The following ARID4B variants were observed in gnomAD, a reference collection of about 807,000 sequenced individuals.
ARID4B encodes the protein AT-rich interactive domain-containing protein 4B.
A neutral mutation model predicts 147.5 loss-of-function variants in ARID4B; 26 were observed. The observed-to-expected ratio is 0.18, with a 90% CI of 0.13 to 0.24. The LOEUF (loss-of-function observed/expected upper bound fraction) is 0.24. ARID4B is among the 10% of genes least tolerant of loss of function. ARID4B has a pLI of 1.00. For missense variants in ARID4B, 1,179 were observed against 1,511.5 expected (o/e 0.78, Z 3.65); for synonymous variants, 512 against 507.9 (o/e 1.01, Z -0.11).
intron 2 of ARID4B, among the ~76,000 whole-genome samples, chr1:235,325,234 G>A (rs1464671274): frequency 1.3e-5 from 2 of 151,890 alleles, no homozygotes; most frequent in East Asian, 1.9e-4. Flanking sequence ...AAATGCAGTA[G>A]AATGTAATGC....
At chr1:235,204,110 T>C (rs1280330681) in intron 17 of ARID4B, among the ~76,000 whole-genome samples, 3 of 152,080 alleles carry the variant, frequency 2.0e-5, no homozygotes, top group Non-Finnish European at 4.4e-5. Context: ...GATCATGACG[T>C]CAGGATTTCA....
At chr1:235,291,187 G>A (rs1672311398) in intron 2 of ARID4B, among the ~76,000 whole-genome samples, 1 of 151,426 alleles carries the variant, frequency 6.6e-6, no homozygotes, top group Non-Finnish European at 1.5e-5. Context: ...ACCAGGTCAG[G>A]AGATCAAGAC....
chr1:235,187,587 C>T (rs1030112208), intron 19 of ARID4B, among the ~76,000 whole-genome samples: 2 of 152,154 alleles, frequency 1.3e-5, no homozygotes. Context: ...TCAATTTCTC[C>T]ACAGAACTCC....
intron 12 of ARID4B, among the ~76,000 whole-genome samples, chr1:235,223,478 A>G (rs1250266199): frequency 6.8e-6 from 1 of 148,022 alleles, no homozygotes; most frequent in Non-Finnish European, 1.5e-5. Context: ...CTACACATAA[A>G]TAAGCCCATG....
intron 2 of ARID4B, 117 bp from the exon 3 acceptor site, chr1:235,260,869 T>A: frequency 1.5e-6 from 1 of 670,346 alleles, no homozygotes; most frequent in East Asian, 3.0e-5. Context: ...ATGAAATGTA[T>A]GTTAACAAGA....
chr1:235,230,615 AACCAG>A (rs766130635), intron 10 of ARID4B, among the ~76,000 whole-genome samples: 1 of 81,500 alleles, frequency 1.2e-5, no homozygotes, highest in Non-Finnish European at 3.0e-5. Context: ...AAAAAAAAAA[AACCAG>A]AAAAAAAAAG....
intron 2 of ARID4B, among the ~76,000 whole-genome samples, chr1:235,316,055 G>A (rs1296068417): frequency 1.3e-5 from 2 of 151,876 alleles, no homozygotes; most frequent in Non-Finnish European, 2.9e-5. Flanking sequence ...ATCCCAATTT[G>A]CTACAGACTA....
intron 7 of ARID4B, among the ~76,000 whole-genome samples, chr1:235,241,800 G>A (rs1669000283): frequency 6.7e-6 from 1 of 150,312 alleles, no homozygotes; most frequent in Non-Finnish European, 1.5e-5. Flanking sequence ...ATAGGCGTGA[G>A]CCACCCCACC....
At chr1:235,185,701 G>C (rs1426051390) in intron 19 of ARID4B, among the ~76,000 whole-genome samples, 1 of 152,180 alleles carries the variant, frequency 6.6e-6, no homozygotes, top group Non-Finnish European at 1.5e-5. Flanking sequence ...TTCATTGATT[G>C]AGAGTTTCAC....
intron 2 of ARID4B, among the ~76,000 whole-genome samples, chr1:235,297,118 T>C (rs774320248): frequency 8.5e-5 from 13 of 152,126 alleles, no homozygotes; most frequent in Non-Finnish European, 1.8e-4. Context: ...ATATCCCTTG[T>C]GCCAGAAAGA....
At chr1:235,176,127 G>C (rs1387046055) in intron 21 of ARID4B, among the ~76,000 whole-genome samples, 3 of 152,102 alleles carry the variant, frequency 2.0e-5, no homozygotes, top group Non-Finnish European at 4.4e-5. Context: ...CAAAGTATTA[G>C]TTTAGATTCC....
At chr1:235,183,975 C>T (rs1376794449) in intron 19 of ARID4B, among the ~76,000 whole-genome samples, 2 of 152,002 alleles carry the variant, frequency 1.3e-5, no homozygotes, top group Non-Finnish European at 2.9e-5. Flanking sequence ...GACAGGGTCT[C>T]GTCATGTTGC....
At chr1:235,186,227 A>G (rs550731457) in intron 19 of ARID4B, among the ~76,000 whole-genome samples, 3 of 152,150 alleles carry the variant, frequency 2.0e-5, no homozygotes, top group African/African-American at 7.2e-5. Context: ...TCAGCCTCCC[A>G]AAGTGCAGGG....
At chr1:235,245,471 T>A (rs1162258819) in intron 7 of ARID4B, among the ~76,000 whole-genome samples, 1 of 152,148 alleles carries the variant, frequency 6.6e-6, no homozygotes, top group Non-Finnish European at 1.5e-5. Context: ...TAAAAATATG[T>A]CTAAATACTA....
intron 6 of ARID4B, among the ~76,000 whole-genome samples, chr1:235,249,183 A>T (rs936451389): frequency 1.3e-5 from 2 of 151,968 alleles, no homozygotes; most frequent in African/African-American, 4.8e-5. Context: ...AAATACAAAA[A>T]TTAGTCAGGC....
At chr1:235,327,722 A>G (rs912228362) in intron 1 of ARID4B, 47 bp downstream of exon 1, 1 of 152,390 alleles carries the variant, frequency 6.6e-6, no homozygotes, top group African/African-American at 2.4e-5. Flanking sequence ...GCGACTCCCA[A>G]AAGAACCCCC....
At chr1:235,181,194 A>G (rs1664284699) in intron 20 of ARID4B, 1 of 1,007,512 alleles carries the variant, frequency 9.9e-7, no homozygotes, top group African/African-American at 1.7e-5. Flanking sequence ...TCTGTCAATA[A>G]ATCAAAATGT....
At chr1:235,285,508 T>A (rs1671915036) in intron 2 of ARID4B, among the ~76,000 whole-genome samples, 1 of 152,232 alleles carries the variant, frequency 6.6e-6, no homozygotes, top group Non-Finnish European at 1.5e-5. Flanking sequence ...ACTAACATTA[T>A]ACTTAACGGT....
In ARID4B at chr1:235,196,072, C is replaced by T; in HGVS notation, c.1885G>A (p.Asp629Asn). The T allele has an allele frequency of 1.2e-6, 2 of 1,600,444 alleles. No homozygotes were observed. The highest frequency in any genetic ancestry group is 1.7e-6 in the Non-Finnish European group (2 of 1,174,250). ...TGTTTTATCTTTGGCACATTTTTAT[C>T]AGCAGGTCTTACTATTTTATCTGCT... is the stretch of plus-strand genomic sequence containing the variant. Reference protein sequence around the residue: ...IKADKIVRPADKNVPKIKHRK... With the variant: ...IKADKIVRPANKNVPKIKHRK... Residue 629 changes from aspartate to asparagine, a missense_variant, in exon 18 of 24, where the codon GAT becomes AAT. This residue lies in a region of ARID4B where 321 missense variants were observed against 342.4 expected (regional missense o/e 0.94). Coordinates refer to ENST00000264183, the MANE Select transcript of ARID4B (RefSeq NM_016374.6).
Sources: allele counts gnomAD v4.1 joint callset (sites outside exome capture counted in the v4.1 genomes callset), GRCh38; gene constraint gnomAD v4.1.1; regional missense constraint gnomAD v4.1.1; transcripts MANE v1.5; gene names NCBI Gene and HGNC (gene_info 2026-07-23, HGNC 2026-07-21).